Variants in GDPD4 observed in about 807,000 individuals in gnomAD.
The protein encoded by GDPD4 is glycerophosphodiester phosphodiesterase domain containing 4, also known as glycerophosphodiester phosphodiesterase 6.
A neutral mutation model predicts 67.8 loss-of-function variants in GDPD4; 60 were observed. The observed-to-expected ratio is 0.88, with a 90% confidence interval of 0.72 to 1.10. The LOEUF is 1.10. Ranked by LOEUF, GDPD4 falls within the 50% of genes least tolerant of loss-of-function variation. The pLI is 0.00. For missense variants in GDPD4, 623 were observed against 613.9 expected (o/e 1.01, Z -0.16); for synonymous variants, 212 against 210.9 (o/e 1.00, Z -0.04).
At chr11:77,271,980 TAGAG>T (rs1328397306) in intron 5 of GDPD4, among the ~76,000 whole-genome samples, 2 of 152,218 alleles carry the variant, frequency 1.3e-5, no homozygotes, top group East Asian at 1.9e-4. Flanking sequence ...GTATACTTCA[TAGAG>T]AAAGAACATT....
At chr11:77,247,110 A>G (rs1958796736) in intron 11 of GDPD4, among the ~76,000 whole-genome samples, 1 of 152,190 alleles carries the variant, frequency 6.6e-6, no homozygotes, top group Non-Finnish European at 1.5e-5. Flanking sequence ...TCAGGAAAGA[A>G]ACAATCACAT....
rs71043564 is a variant in GDPD4, at chr11:77,277,391, CTTT to C, written c.148-1174_148-1172del. ...ACAAACCTCTTTTCAGCCATGTTTC[CTTT>C]TTTTTTTTTTTTTTTTTTTTTTTTG... On this transcript the variant is annotated intron_variant, in intron 4 of 16. Coordinates refer to ENST00000315938, the MANE Select transcript of GDPD4 (RefSeq NM_182833.3). Among the ~76,000 whole-genome samples, 56 of 58,332 alleles carry C rather than the reference CTTT, an allele frequency of 9.6e-4. 1 individual carries two copies. The highest frequency in any genetic ancestry group is 5.5e-3 in the Admixed American group (18 of 3,298). 38.3% of individuals were successfully genotyped at this position (58,332 alleles called of 152,430 possible).
intron 13 of GDPD4, 35 bp from the exon 14 acceptor site, chr11:77,233,207 T>C (rs1352813363): frequency 6.2e-7 from 1 of 1,601,746 alleles, no homozygotes; most frequent in East Asian, 2.2e-5. Flanking sequence ...GGGATTTAGA[T>C]CAAGTTTCAT....
chr11:77,235,391 AGT>A (rs1958542533), intron 13 of GDPD4, among the ~76,000 whole-genome samples: 1 of 152,178 alleles, frequency 6.6e-6, no homozygotes, highest in Non-Finnish European at 1.5e-5. Flanking sequence ...AAAAAAAAAT[AGT>A]GTGAGAGGGA....
intron 15 of GDPD4, among the ~76,000 whole-genome samples, chr11:77,228,376 T>A (rs1958384076): frequency 6.6e-6 from 1 of 151,854 alleles, no homozygotes; most frequent in African/African-American, 2.4e-5. Flanking sequence ...TGGTGGTGCC[T>A]GTAGTTCCAG....
chr11:77,294,269 T>G (rs1247517263), intron 1 of GDPD4, among the ~76,000 whole-genome samples: 1 of 152,198 alleles, frequency 6.6e-6, no homozygotes, highest in Non-Finnish European at 1.5e-5. Context: ...TGAAACTGGG[T>G]AAGAGTATAC....
chr11:77,258,599 G>T, intron 10 of GDPD4, 57 bp from the exon 11 acceptor site: 1 of 1,535,108 alleles, frequency 6.5e-7, no homozygotes, highest in Non-Finnish European at 9.0e-7. Flanking sequence ...TAGCTACCTT[G>T]GTAGACAGGC....
intron 14 of GDPD4, among the ~76,000 whole-genome samples, chr11:77,230,747 C>G (rs1044743607): frequency 2.0e-5 from 3 of 152,134 alleles, no homozygotes; most frequent in African/African-American, 7.2e-5. Flanking sequence ...TCCTTCCAAA[C>G]CTATATGCAG....
intron 10 of GDPD4, among the ~76,000 whole-genome samples, chr11:77,260,909 T>C (rs939459356): frequency 1.3e-5 from 2 of 152,116 alleles, no homozygotes; most frequent in African/African-American, 4.8e-5. Context: ...ATCAGTGACC[T>C]GTAAGGCAAT....
chr11:77,271,911 T>C lies in GDPD4; in HGVS notation c.208-518A>G, dbSNP rs1959237715. Among the ~76,000 whole-genome samples, 6 of 152,226 alleles carry C rather than the reference T, an allele frequency of 3.9e-5. No individual in the cohort carries two copies. The South Asian group carries it at 1.2e-3, about 31-fold the overall frequency. ...AGTGTCCTGCAGAATGCCTGGCACA[T>C]AGTAAGCATCCAATAAGTATTTATT... On this transcript the variant is annotated intron_variant, in intron 5 of 16. Transcript: ENST00000315938.
chr11:77,290,634 T>C (rs1937740851), intron 1 of GDPD4, among the ~76,000 whole-genome samples: 1 of 152,148 alleles, frequency 6.6e-6, no homozygotes, highest in Admixed American at 6.5e-5. Context: ...GGGAAGCTTA[T>C]ACCAATAAAC....
chr11:77,297,352 G>A (rs1241142603), intron 1 of GDPD4, among the ~76,000 whole-genome samples: 1 of 151,598 alleles, frequency 6.6e-6, no homozygotes, highest in Non-Finnish European at 1.5e-5. Context: ...CAAGACCACG[G>A]TAAAACCCTA....
intron 13 of GDPD4, among the ~76,000 whole-genome samples, chr11:77,233,911 T>C (rs1219796610): frequency 1.3e-5 from 2 of 152,200 alleles, no homozygotes; most frequent in South Asian, 2.1e-4. Flanking sequence ...ATTTGTCCCA[T>C]GGCACTAAAT....
chr11:77,269,746 C>T (rs1477951610), intron 8 of GDPD4, 137 bp downstream of exon 8: 1 of 599,584 alleles, frequency 1.7e-6, no homozygotes, highest in East Asian at 2.8e-5. Context: ...CATACAGAGC[C>T]TGTACACAAT....
chr11:77,247,038 C>A (rs1315213325), intron 11 of GDPD4, among the ~76,000 whole-genome samples: 3 of 152,162 alleles, frequency 2.0e-5, no homozygotes, highest in Non-Finnish European at 2.9e-5. Flanking sequence ...CTCTTTCATA[C>A]CTCTCCTATT....
intron 10 of GDPD4, among the ~76,000 whole-genome samples, chr11:77,259,983 T>G (rs1185018848): frequency 6.6e-6 from 1 of 152,092 alleles, no homozygotes; most frequent in African/African-American, 2.4e-5. Flanking sequence ...CTTCAGTAAT[T>G]ACATAGGCTT....
rs143670127 is a variant in GDPD4, at chr11:77,241,952, A to C, written c.1241+1742T>G. Among the ~76,000 whole-genome samples, 120 of 152,196 alleles carry C rather than the reference A, an allele frequency of 7.9e-4. 1 individual carries two copies. In the East Asian group the frequency reaches 0.017, roughly 22 times the overall value. ...GTCTCAAAAAAAAAATAAATAAATAAGTCTAACTTATAGAAAAAGAGAGTA... is the reference window on the plus strand; with the variant it reads ...GTCTCAAAAAAAAAATAAATAAATACGTCTAACTTATAGAAAAAGAGAGTA... On this transcript the variant is annotated intron_variant, in intron 13 of 16. Transcript: ENST00000315938.
At chr11:77,235,807 AT>A (rs916533411) in intron 13 of GDPD4, among the ~76,000 whole-genome samples, 11 of 152,172 alleles carry the variant, frequency 7.2e-5, no homozygotes, top group Non-Finnish European at 1.5e-4. Flanking sequence ...ATTTTAAAAA[AT>A]AGCCAGGTGT....
chr11:77,224,396 C>G (rs1958286793), intron 16 of GDPD4: 1 of 152,128 alleles, frequency 6.6e-6, no homozygotes. Context: ...GATAATTACT[C>G]CAATGATTTA....
Sources: allele counts gnomAD v4.1 joint callset (sites outside exome capture counted in the v4.1 genomes callset), GRCh38; gene constraint gnomAD v4.1.1; transcripts MANE v1.5; gene names NCBI Gene and HGNC (gene_info 2026-07-23, HGNC 2026-07-21).